The following PLCH1 variants were observed in gnomAD, a reference collection of about 807,000 sequenced individuals.
The protein encoded by PLCH1 is phospholipase C eta 1, also known as 1-phosphatidylinositol 4,5-bisphosphate phosphodiesterase eta-1.
PLCH1 carries 60 observed loss-of-function variants against 126.7 expected under a neutral mutation model. The observed-to-expected ratio is 0.47, with a 90% CI of 0.38 to 0.59. The LOEUF (loss-of-function observed/expected upper bound fraction) is 0.59. PLCH1 is among the 20% of genes least tolerant of loss of function. PLCH1 has a pLI of 0.00. For missense variants in PLCH1, 1,723 were observed against 2,040.0 expected (o/e 0.84, Z 2.99); for synonymous variants, 719 against 734.9 (o/e 0.98, Z 0.35).
intron 10 of PLCH1, among the ~76,000 whole-genome samples, chr3:155,545,320 C>G (rs1383763863): frequency 1.3e-5 from 2 of 151,980 alleles, no homozygotes; most frequent in Non-Finnish European, 2.9e-5. Flanking sequence ...CACATACACC[C>G]TCCCAAGACT....
chr3:155,700,131 G>T (rs1373456998), intron 2 of PLCH1, among the ~76,000 whole-genome samples: 3 of 152,136 alleles, frequency 2.0e-5, no homozygotes, highest in African/African-American at 7.2e-5. Flanking sequence ...GTGACATGAG[G>T]CTACACAAGT....
At chr3:155,522,712 T>C (rs374926358) in intron 11 of PLCH1, among the ~76,000 whole-genome samples, 415 of 5,342 alleles carry the variant, frequency 0.078, no homozygotes, top group South Asian at 0.24. Flanking sequence ...TTCTCTCTCT[T>C]TTTTTTTTTT....
chr3:155,739,721 G>A (rs551439404), intron 1 of PLCH1, among the ~76,000 whole-genome samples: 119 of 152,294 alleles, frequency 7.8e-4, no homozygotes, highest in African/African-American at 2.6e-3. Flanking sequence ...GCAGACAGAC[G>A]TGGGTTCAAA....
At chr3:155,714,607 T>C (rs1360079888) in intron 1 of PLCH1, among the ~76,000 whole-genome samples, 1 of 152,196 alleles carries the variant, frequency 6.6e-6, no homozygotes, top group Non-Finnish European at 1.5e-5. Context: ...AAGTTCCTGG[T>C]GTGTTTTCTT....
At chr3:155,725,089 G>A (rs1003840742) in intron 1 of PLCH1, among the ~76,000 whole-genome samples, 7 of 152,152 alleles carry the variant, frequency 4.6e-5, no homozygotes, top group Non-Finnish European at 5.9e-5. Flanking sequence ...TGTTTAAGGA[G>A]GCTAAAGATA....
At chr3:155,707,674 A>G (rs988327481) in intron 1 of PLCH1, among the ~76,000 whole-genome samples, 3 of 150,926 alleles carry the variant, frequency 2.0e-5, no homozygotes, top group African/African-American at 7.4e-5. Flanking sequence ...AAAAAAAAAA[A>G]CGGTGAAAGA....
At chr3:155,594,368 C>T (rs754878821) in intron 3 of PLCH1, among the ~76,000 whole-genome samples, 184 bp from the exon 4 acceptor site, 2 of 151,682 alleles carry the variant, frequency 1.3e-5, no homozygotes, top group African/African-American at 4.8e-5. Context: ...CTCAGGAGTT[C>T]GAGACCAGCC....
intron 6 of PLCH1, among the ~76,000 whole-genome samples, chr3:155,569,311 T>C (rs1285478721): frequency 2.0e-5 from 3 of 152,208 alleles, no homozygotes; most frequent in Non-Finnish European, 2.9e-5. Context: ...ATTTTAATTA[T>C]ATTTTCTCAA....
rs924836377 is a variant in PLCH1, at chr3:155,456,503, T to G, written c.2938+28853A>C. Among the ~76,000 whole-genome samples the G allele has an allele frequency of 3.3e-5, 5 of 152,312 alleles. No individual in the cohort carries two copies. In the South Asian group the frequency reaches 1.0e-3, roughly 32 times the overall value. Reference sequence around the variant, plus strand: ...TCTTTTCTGCTCTATTTACATTCCCTACCTGGGCAACCTCACTTGATCCCA... The same window carrying G: ...TCTTTTCTGCTCTATTTACATTCCCGACCTGGGCAACCTCACTTGATCCCA... On this transcript the variant is annotated intron_variant, in intron 21 of 21. Transcript: ENST00000494598.
At chr3:155,602,449 C>T (rs1733857614) in intron 2 of PLCH1, among the ~76,000 whole-genome samples, 1 of 152,112 alleles carries the variant, frequency 6.6e-6, no homozygotes, top group Admixed American at 6.5e-5. Context: ...GGGAACAAAA[C>T]AGAAAGTAAC....
intron 1 of PLCH1, chr3:155,742,863 A>G (rs1294871989): frequency 6.4e-6 from 1 of 157,182 alleles, no homozygotes; most frequent in Non-Finnish European, 1.4e-5. Flanking sequence ...GGAGGATATT[A>G]TCTTAAAACA....
chr3:155,684,602 C>T (rs1044721051), intron 2 of PLCH1, among the ~76,000 whole-genome samples: 3 of 152,068 alleles, frequency 2.0e-5, no homozygotes, highest in African/African-American at 7.2e-5. Flanking sequence ...AAAAGATGAC[C>T]TTTAGAGAAA....
intron 2 of PLCH1, among the ~76,000 whole-genome samples, chr3:155,637,456 C>A (rs951318818): frequency 2.6e-5 from 4 of 152,014 alleles, no homozygotes; most frequent in Non-Finnish European, 5.9e-5. Context: ...TAAGGATGAG[C>A]AAAATAAAAT....
intron 21 of PLCH1, chr3:155,486,061 G>A (rs2108037947): frequency 1.2e-6 from 1 of 822,050 alleles, no homozygotes; most frequent in Non-Finnish European, 2.0e-6. Context: ...TAAGCAGGAA[G>A]ATGGAGTGAT....
chr3:155,460,894 A>G (rs1466929910), intron 21 of PLCH1, among the ~76,000 whole-genome samples: 7 of 152,190 alleles, frequency 4.6e-5, no homozygotes, highest in African/African-American at 1.4e-4. Context: ...GGTATCCACA[A>G]TTGCAGCTTC....
rs1713993550 is a variant in PLCH1 at position 155,481,273 on chromosome 3, C to T, written c.4753G>A (p.Ala1585Thr). ...TTGTTGGCTTCCTGTTTCTCCTTGGCACGACTAGCAATATTGCGCACTCTG... is the reference window on the plus strand; with the variant it reads ...TTGTTGGCTTCCTGTTTCTCCTTGGTACGACTAGCAATATTGCGCACTCTG... ...QSRVRNIASR[A>T]KEKQEANKQK... is the part of the protein sequence containing the mutation. The change falls in exon 23 of 23, where the codon GCC becomes ACC. Residue 1585 changes from alanine (A) to threonine (T), a missense_variant. Around this residue, in one of 2 missense-constraint regions of PLCH1, gnomAD observed 947 missense variants for 977.1 expected, o/e 0.97. Transcript: ENST00000460012. This position sits in a 1 kb window ranked among gnomAD's most constrained non-coding sequence, Gnocchi z 4.2. 1 of 1,614,202 alleles carries T rather than the reference C, an allele frequency of 6.2e-7. No homozygotes were observed. Among genetic ancestry groups the T allele is most frequent in the Non-Finnish European group, 8.5e-7 (1 of 1,180,028 alleles).
chr3:155,609,210 C>T (rs1360043065), intron 2 of PLCH1, among the ~76,000 whole-genome samples: 1 of 152,218 alleles, frequency 6.6e-6, no homozygotes, highest in South Asian at 2.1e-4. Flanking sequence ...AGATGCCTGA[C>T]ATCACAGGAC....
At chr3:155,743,335 C>T (rs1315545057) in intron 1 of PLCH1, 3 of 408,370 alleles carry the variant, frequency 7.3e-6, no homozygotes, top group Non-Finnish European at 1.4e-5. Context: ...AGTTCCAGAC[C>T]AGCCTGGCCA....
At chr3:155,607,991 T>A (rs1352427366) in intron 2 of PLCH1, among the ~76,000 whole-genome samples, 16 of 152,156 alleles carry the variant, frequency 1.1e-4, no homozygotes, top group Admixed American at 4.6e-4. Flanking sequence ...TCCCAAAGTA[T>A]AAGAGGAGAA....
Sources: gnomAD v4.1 joint callset for allele counts (sites outside exome capture counted in the v4.1 genomes callset) on GRCh38, gnomAD v4.1.1 for gene constraint, gnomAD v4.1.1 regional missense constraint, Gnocchi (gnomAD v3.1) non-coding constraint, MANE v1.5 for transcripts, NCBI Gene and HGNC (gene_info 2026-07-23, HGNC 2026-07-21) for gene names.